The following GNAZ variants were observed in gnomAD, a reference collection of about 807,000 sequenced individuals.
GNAZ encodes the protein guanine nucleotide-binding protein G(z) subunit alpha.
A neutral mutation model predicts 25.4 loss-of-function variants in GNAZ; 3 were observed. That is an observed-to-expected ratio of 0.12 (90% confidence interval 0.05 to 0.30). GNAZ has a LOEUF of 0.30. Among genes scored for constraint, GNAZ ranks in the 10% least tolerant of loss-of-function variants. The pLI is 1.00. For synonymous variants in GNAZ, 211 were observed against 205.7 expected, an observed-to-expected ratio of 1.03 and a Z score of -0.22; for missense variants, 241 against 501.8, an observed-to-expected ratio of 0.48 and a Z score of 4.97.
At chr22:23,115,499 C>T (rs989812608) in intron 2 of GNAZ, among the ~76,000 whole-genome samples, 1 of 152,094 alleles carries the variant, frequency 6.6e-6, no homozygotes, top group African/African-American at 2.4e-5. Flanking sequence ...TCTGGGAGTG[C>T]GTCTGGCCTC....
chr22:23,104,093 T>C (rs1212419580), intron 2 of GNAZ, among the ~76,000 whole-genome samples: 3 of 148,960 alleles, frequency 2.0e-5, no homozygotes, highest in Non-Finnish European at 3.0e-5. Flanking sequence ...CCTTGCAGAA[T>C]CCAGTCAAGG....
intron 2 of GNAZ, among the ~76,000 whole-genome samples, chr22:23,100,393 T>TG (rs2069263188): frequency 6.6e-6 from 1 of 152,226 alleles, no homozygotes; most frequent in South Asian, 2.1e-4. Flanking sequence ...GTGGGAGGCC[T>TG]GGTGTCTCTG....
chr22:23,105,272 A>G (rs1462282986), intron 2 of GNAZ, among the ~76,000 whole-genome samples: 1 of 152,246 alleles, frequency 6.6e-6, no homozygotes, highest in African/African-American at 2.4e-5. Context: ...CAGCTGGAGG[A>G]GTGACTATGG....
chr22:23,108,257 C>T (rs538566139), intron 2 of GNAZ, among the ~76,000 whole-genome samples: 3 of 152,354 alleles, frequency 2.0e-5, no homozygotes, highest in East Asian at 3.9e-4. Flanking sequence ...CAGGGGAGAG[C>T]GGTCCCCAAG....
At chr22:23,118,716 G>A (rs184277933) in intron 2 of GNAZ, among the ~76,000 whole-genome samples, 26 of 152,330 alleles carry the variant, frequency 1.7e-4, no homozygotes, top group Non-Finnish European at 3.8e-4. Context: ...GATGGAGGAA[G>A]TCACTGCAGG....
chr22:23,076,048 T>C (rs1366738938), intron 1 of GNAZ, among the ~76,000 whole-genome samples: 1 of 152,090 alleles, frequency 6.6e-6, no homozygotes, highest in Non-Finnish European at 1.5e-5. Flanking sequence ...CCCTGGTTGG[T>C]CATAGGAAGG....
rs565955730 is a variant in GNAZ, at chr22:23,123,389, C to T, written c.1026C>T (p.Asp342=). 71 of 1,613,878 alleles carry T rather than the reference C, an allele frequency of 4.4e-5. No homozygotes were observed. The East Asian group carries it at 6.5e-4, about 15-fold the overall frequency. The change falls in exon 3 of 3, where the codon GAC becomes GAT. Residue 342 remains aspartate (D), a synonymous_variant. Transcript: ENST00000615612. ...AGTTTGTCTTCGACGCGGTGACAGA[C>T]GTCATCATACAGAACAATCTCAAGT... The part of the protein sequence containing the change: ...NIQFVFDAVT[D]VIIQNNLKYI...
chr22:23,076,916 G>A (rs1040594198), intron 1 of GNAZ, among the ~76,000 whole-genome samples: 7 of 152,312 alleles, frequency 4.6e-5, no homozygotes, highest in Admixed American at 3.9e-4. Flanking sequence ...GTGACCCTGC[G>A]AATGCTTTCC....
At chr22:23,096,964 G>A (rs994850300) in intron 2 of GNAZ, among the ~76,000 whole-genome samples, 2 of 152,242 alleles carry the variant, frequency 1.3e-5, no homozygotes, top group African/African-American at 4.8e-5. Flanking sequence ...TGAGAGTGGA[G>A]TTGCTGGAGA....
At chr22:23,102,828 T>C (rs572250875) in intron 2 of GNAZ, among the ~76,000 whole-genome samples, 113 of 152,320 alleles carry the variant, frequency 7.4e-4, no homozygotes, top group African/African-American at 2.4e-3. Flanking sequence ...CATGATGACG[T>C]TGTCAGGTGC....
At chr22:23,092,824 G>A (rs1005603269) in intron 1 of GNAZ, among the ~76,000 whole-genome samples, 1 of 152,204 alleles carries the variant, frequency 6.6e-6, no homozygotes, top group African/African-American at 2.4e-5. Context: ...GGGACAGAAG[G>A]GGCGCCTGGC....
chr22:23,081,490 A>G (rs1161697811), intron 1 of GNAZ, among the ~76,000 whole-genome samples: 3 of 152,210 alleles, frequency 2.0e-5, no homozygotes, highest in Non-Finnish European at 4.4e-5. Context: ...AGCCATCAAC[A>G]GTTATTAGAA....
intron 2 of GNAZ, among the ~76,000 whole-genome samples, chr22:23,109,228 A>G (rs1381990833): frequency 6.6e-6 from 1 of 152,122 alleles, no homozygotes; most frequent in Non-Finnish European, 1.5e-5. Flanking sequence ...GTTCAAGGAG[A>G]ACCAAGGCAG....
chr22:23,100,051 G>C (rs781226538), intron 2 of GNAZ, among the ~76,000 whole-genome samples: 1 of 152,264 alleles, frequency 6.6e-6, no homozygotes, highest in Non-Finnish European at 1.5e-5. Flanking sequence ...CCCATTTCCC[G>C]ACGGAGCTGT....
At chr22:23,088,458 C>T (rs1373553360) in intron 1 of GNAZ, among the ~76,000 whole-genome samples, 1 of 152,214 alleles carries the variant, frequency 6.6e-6, no homozygotes, top group Non-Finnish European at 1.5e-5. Flanking sequence ...CTGGCAGGTA[C>T]AGGAGCCGCG....
At chr22:23,119,727 C>T (rs180728497) in intron 2 of GNAZ, among the ~76,000 whole-genome samples, 93 of 152,350 alleles carry the variant, frequency 6.1e-4, no homozygotes, top group Middle Eastern at 3.4e-3. Context: ...GTGCTTCCCA[C>T]GCTCTGAAGC....
intron 2 of GNAZ, among the ~76,000 whole-genome samples, chr22:23,114,578 T>C (rs1391257208): frequency 6.6e-6 from 1 of 152,224 alleles, no homozygotes; most frequent in African/African-American, 2.4e-5. Flanking sequence ...GCCAGCACTA[T>C]CTGCAGCAGT....
intron 2 of GNAZ, among the ~76,000 whole-genome samples, chr22:23,100,806 G>T (rs1243645947): frequency 1.3e-5 from 2 of 152,220 alleles, no homozygotes; most frequent in Non-Finnish European, 2.9e-5. Context: ...GGGACACTCA[G>T]CCCTTCCCAA....
chr22:23,079,328 C>T (rs762585208), intron 1 of GNAZ, among the ~76,000 whole-genome samples: 51 of 152,168 alleles, frequency 3.4e-4, no homozygotes, highest in African/African-American at 7.2e-4. Context: ...GGGGAGAGGG[C>T]GCGGAAGCGA....
Sources: allele counts gnomAD v4.1 joint callset (sites outside exome capture counted in the v4.1 genomes callset), GRCh38; gene constraint gnomAD v4.1.1; transcripts MANE v1.5; gene names NCBI Gene and HGNC (gene_info 2026-07-23, HGNC 2026-07-21).